GRAMD1B: variants seen among roughly 807,000 people sequenced by gnomAD.
The protein encoded by GRAMD1B is GRAM domain containing 1B.
A neutral mutation model predicts 99.7 loss-of-function variants in GRAMD1B; 37 were observed. That is an observed-to-expected ratio of 0.37 (90% CI 0.29 to 0.49). The LOEUF (loss-of-function observed/expected upper bound fraction) is 0.49, where lower values mean the gene tolerates loss of function less well. Ranked by LOEUF, GRAMD1B falls within the 20% of genes least tolerant of loss-of-function variation. The pLI is 0.98. For synonymous variants in GRAMD1B, 427 were observed against 387.6 expected, an observed-to-expected ratio of 1.10 and a Z score of -1.19; for missense variants, 888 against 1,009.2, an observed-to-expected ratio of 0.88 and a Z score of 1.63.
At chr11:123,441,335 G>C (rs1011102947) in intron 1 of GRAMD1B, among the ~76,000 whole-genome samples, 2 of 152,078 alleles carry the variant, frequency 1.3e-5, no homozygotes, top group African/African-American at 4.8e-5. Context: ...TCCTACACTA[G>C]AGACAAAATC....
intron 2 of GRAMD1B, among the ~76,000 whole-genome samples, chr11:123,526,886 C>G (rs1942829041): frequency 6.6e-6 from 1 of 152,200 alleles, no homozygotes; most frequent in Non-Finnish European, 1.5e-5. Flanking sequence ...AAACCTTTAC[C>G]TCTCTCTGTT....
chr11:123,606,563 C>G (rs1269779633), intron 10 of GRAMD1B, 46 bp from the exon 11 acceptor site: 9 of 1,518,504 alleles, frequency 5.9e-6, no homozygotes, highest in Admixed American at 1.9e-5. Flanking sequence ...GAGAATAGAT[C>G]CAGACCAGGT....
intron 10 of GRAMD1B, 31 bp downstream of exon 10, chr11:123,605,509 C>A: frequency 1.3e-6 from 2 of 1,576,194 alleles, no homozygotes; most frequent in Admixed American, 1.7e-5. Flanking sequence ...ACTTCTACCC[C>A]CAGTCCTGTG....
intron 8 of GRAMD1B, 128 bp downstream of exon 8, chr11:123,600,676 A>G (rs2136709513): frequency 1.7e-6 from 1 of 595,694 alleles, no homozygotes; most frequent in Non-Finnish European, 3.0e-6. Flanking sequence ...TGAGTCCTGA[A>G]AGTAGCATAT....
chr11:123,370,937 A>C (rs1295287113), intron 1 of GRAMD1B, among the ~76,000 whole-genome samples: 1 of 152,138 alleles, frequency 6.6e-6, no homozygotes. Context: ...GGCGCTGAGC[A>C]TGCTGGTGAG....
chr11:123,557,257 C>T (rs528738799), intron 2 of GRAMD1B, among the ~76,000 whole-genome samples: 4 of 152,302 alleles, frequency 2.6e-5, no homozygotes, highest in South Asian at 4.1e-4. Context: ...TCAAGTGAAG[C>T]GCTTCTCATC....
At chr11:123,561,837 C>T (rs1565375844) in intron 2 of GRAMD1B, among the ~76,000 whole-genome samples, 1 of 152,104 alleles carries the variant, frequency 6.6e-6, no homozygotes, top group African/African-American at 2.4e-5. Context: ...AAAAAGCTGG[C>T]CTTGGAAGAA....
At chr11:123,429,441 G>A (rs1318934803), upstream of GRAMD1B, among the ~76,000 whole-genome samples, 2 of 152,050 alleles carry the variant, frequency 1.3e-5, no homozygotes, top group African/African-American at 4.8e-5. This position sits in a 1 kb window ranked among gnomAD's most constrained non-coding sequence, Gnocchi z 4.0. Flanking sequence ...AGACTTCCTA[G>A]GTTCCATGAC....
intron 2 of GRAMD1B, among the ~76,000 whole-genome samples, chr11:123,574,329 G>A (rs1196042652): frequency 6.6e-6 from 1 of 152,110 alleles, no homozygotes; most frequent in Non-Finnish European, 1.5e-5. Flanking sequence ...GAGGATTTGG[G>A]ACTTTAATGT....
intron 1 of GRAMD1B, among the ~76,000 whole-genome samples, chr11:123,413,700 G>A (rs890257532): frequency 2.0e-5 from 3 of 152,134 alleles, no homozygotes; most frequent in Admixed American, 1.3e-4. Flanking sequence ...ATGTTCAGAG[G>A]TCATCCAGGA....
chr11:123,516,183 T>G (rs566336086), intron 2 of GRAMD1B, among the ~76,000 whole-genome samples: 1 of 152,326 alleles, frequency 6.6e-6, no homozygotes, highest in South Asian at 2.1e-4. Context: ...CACTGGATCA[T>G]CAAAGGTAGC....
At chr11:123,550,403 CCA>C (rs1945494597) in intron 2 of GRAMD1B, among the ~76,000 whole-genome samples, 1 of 152,090 alleles carries the variant, frequency 6.6e-6, no homozygotes, top group African/African-American at 2.4e-5. Flanking sequence ...TCAGACACAC[CCA>C]CACACACTGA....
rs1945231196 is a variant in GRAMD1B, at chr11:123,548,309, T to TACAC, written c.453-29057_453-29056insCACA. On this transcript the variant is annotated intron_variant, in intron 2 of 19. Transcript: ENST00000635736. ...GTGCCAAAATATATATATATATATA[T>TACAC]ATATATATATATATATACACACACA... 4.7e-5 allele frequency among the ~76,000 whole-genome samples: 4 copies of TACAC among 84,410 alleles called. No individual in the cohort carries two copies. In the South Asian group the frequency reaches 1.3e-3, roughly 27 times the overall value. The allele number at this position is 84,410 out of a possible 152,430, so 55.4% of individuals were successfully genotyped here. A position where few individuals can be genotyped will look rare whatever the true frequency, so the allele number is the denominator to read the frequency against.
intron 4 of GRAMD1B, among the ~76,000 whole-genome samples, chr11:123,588,688 G>A (rs1950310533): frequency 6.6e-6 from 1 of 152,200 alleles, no homozygotes; most frequent in Non-Finnish European, 1.5e-5. Context: ...TGGGGAGAGT[G>A]TTGGCAGCAA....
chr11:123,434,593 GC>G, intron 1 of GRAMD1B, among the ~76,000 whole-genome samples: 1 of 152,276 alleles, frequency 6.6e-6, no homozygotes, highest in East Asian at 1.9e-4. Flanking sequence ...TTCGAGACCA[GC>G]CTAGCCAACA....
chr11:123,527,618 C>G (rs923498571), intron 2 of GRAMD1B, among the ~76,000 whole-genome samples: 1 of 152,118 alleles, frequency 6.6e-6, no homozygotes, highest in African/African-American at 2.4e-5. Flanking sequence ...ACTGGGAGTT[C>G]CAGGTCCAGA....
chr11:123,455,689 T>G (rs982339231), intron 1 of GRAMD1B, among the ~76,000 whole-genome samples: 2 of 152,218 alleles, frequency 1.3e-5, no homozygotes, highest in African/African-American at 2.4e-5. Flanking sequence ...AGCTTTATTG[T>G]CTTTATAACA....
chr11:123,526,606 G>A (rs1942788615), intron 2 of GRAMD1B, among the ~76,000 whole-genome samples: 3 of 152,124 alleles, frequency 2.0e-5, no homozygotes, highest in East Asian at 1.9e-4. Context: ...AGGGTGTGCG[G>A]GGGGCCTTTC....
intron 11 of GRAMD1B, 35 bp downstream of exon 11, chr11:123,606,833 G>A (rs184682049): frequency 5.6e-5 from 87 of 1,560,194 alleles, no homozygotes; most frequent in Admixed American, 1.2e-4. Flanking sequence ...AGTGGCCCTT[G>A]CTCTGTTTTG....
Sources: allele counts gnomAD v4.1 joint callset (sites outside exome capture counted in the v4.1 genomes callset), GRCh38; gene constraint gnomAD v4.1.1; non-coding constraint Gnocchi (gnomAD v3.1); transcripts MANE v1.5; gene names NCBI Gene and HGNC (gene_info 2026-07-23, HGNC 2026-07-21).